Variants in KDM4C observed in about 807,000 individuals in gnomAD.
KDM4C encodes lysine demethylase 4C, also known as lysine-specific demethylase 4C.
A neutral mutation model predicts 129.3 loss-of-function variants in KDM4C; 81 were observed. The ratio of observed to expected loss-of-function variants is 0.63; its 90% CI spans 0.52 to 0.75. The LOEUF is 0.75. Ranked by LOEUF, KDM4C falls within the 30% of genes least tolerant of loss-of-function variation. The pLI is 0.00. For synonymous variants in KDM4C, 573 were observed against 456.1 expected (o/e 1.26, Z -3.26); for missense variants, 1,457 against 1,304.0 (o/e 1.12, Z -1.81).
intron 5 of KDM4C, among the ~76,000 whole-genome samples, chr9:6,861,778 C>CT (rs747405487): frequency 4.2e-4 from 62 of 147,904 alleles, no homozygotes; most frequent in East Asian, 1.2e-3. Flanking sequence ...TTCTTTCTTT[C>CT]TTTTTTTTTT....
At chr9:7,112,169 T>G (rs1838396405) in intron 18 of KDM4C, among the ~76,000 whole-genome samples, 1 of 152,206 alleles carries the variant, frequency 6.6e-6, no homozygotes. Context: ...GTTTCTCATT[T>G]AGGCATTACT....
At chr9:6,772,266 C>T (rs1173487640) in intron 1 of KDM4C, among the ~76,000 whole-genome samples, 2 of 152,062 alleles carry the variant, frequency 1.3e-5, no homozygotes, top group Non-Finnish European at 2.9e-5. Flanking sequence ...TCTGCTGCCT[C>T]AGCCTCCTGA....
intron 4 of KDM4C, among the ~76,000 whole-genome samples, chr9:6,821,026 C>T (rs754593606): frequency 2.0e-5 from 3 of 152,104 alleles, no homozygotes; most frequent in African/African-American, 7.2e-5. Context: ...TAGCTCCATC[C>T]ATGTCCCTGC....
intron 19 of KDM4C, among the ~76,000 whole-genome samples, chr9:7,133,895 C>A (rs1178862816): frequency 6.6e-6 from 1 of 152,116 alleles, no homozygotes; most frequent in Non-Finnish European, 1.5e-5. Context: ...ATTGTTGGAT[C>A]CCTCTTGCCT....
rs139364655 is a variant in KDM4C, at chr9:6,842,568, C to G, written c.436-6939C>G. Reference sequence around the variant, plus strand: ...TGACCAGGGTAGTCTAGAACTGACCCCAGGTGATCCGTCTGCCTTGGGCTC... The same window carrying G: ...TGACCAGGGTAGTCTAGAACTGACCGCAGGTGATCCGTCTGCCTTGGGCTC... On this transcript the variant is annotated intron_variant, in intron 4 of 21. Transcript: ENST00000381309. Among the ~76,000 whole-genome samples the G allele has an allele frequency of 1.4e-3, 214 of 151,934 alleles. 3 individuals carry two copies. Among genetic ancestry groups the G allele is most frequent in the African/African-American group, 4.4e-3 (184 of 41,430 alleles).
At chr9:7,150,212 CCTTTCACCT>C (rs1554762503) in intron 19 of KDM4C, among the ~76,000 whole-genome samples, 1 of 152,208 alleles carries the variant, frequency 6.6e-6, no homozygotes, top group Non-Finnish European at 1.5e-5. Context: ...CTGGCTTCTC[CCTTTCACCT>C]CTTTCTTTAA....
intron 12 of KDM4C, among the ~76,000 whole-genome samples, chr9:6,995,062 T>C (rs1159639059): frequency 1.3e-5 from 2 of 152,074 alleles, no homozygotes; most frequent in Admixed American, 6.6e-5. Context: ...AGTGGTTTTT[T>C]TTTTCCCCAC....
At chr9:7,016,214 A>G (rs1004023415) in intron 15 of KDM4C, among the ~76,000 whole-genome samples, 3 of 150,846 alleles carry the variant, frequency 2.0e-5, no homozygotes, top group South Asian at 2.1e-4. Flanking sequence ...TGCAAGCTCC[A>G]CCTTCCAGGT....
At chr9:7,109,665 T>G (rs1838096420) in intron 18 of KDM4C, among the ~76,000 whole-genome samples, 1 of 152,182 alleles carries the variant, frequency 6.6e-6, no homozygotes. Flanking sequence ...CTTGACTCTT[T>G]TAAACATCAT....
chr9:6,806,890 CT>C (rs1830078758), intron 3 of KDM4C, among the ~76,000 whole-genome samples: 1 of 108,708 alleles, frequency 9.2e-6, no homozygotes, highest in African/African-American at 3.8e-5. Context: ...CTCCCTCTCC[CT>C]CTCCCTCTCC....
At chr9:7,012,574 A>C (rs7847658) in intron 13 of KDM4C, among the ~76,000 whole-genome samples, 11,084 of 152,224 alleles carry the variant, frequency 0.073, 538 homozygotes, top group African/African-American at 0.14. Flanking sequence ...TGGAACATGC[A>C]AAAGACACAG....
At chr9:6,799,543 AGGGAGACCGTGGAAAG>A (rs141140237) in intron 2 of KDM4C, among the ~76,000 whole-genome samples, 3,242 of 133,806 alleles carry the variant, frequency 0.024, 121 homozygotes, top group African/African-American at 0.076. Flanking sequence ...TTGGCATGAG[AGGGAGACCGTGGAAAG>A]GGGAGACAGG....
At chr9:7,027,719 T>A (rs1433681549) in intron 15 of KDM4C, among the ~76,000 whole-genome samples, 1 of 152,172 alleles carries the variant, frequency 6.6e-6, no homozygotes, top group Non-Finnish European at 1.5e-5. Context: ...TGAGGTACCA[T>A]CCAGGAGCTA....
intron 19 of KDM4C, among the ~76,000 whole-genome samples, chr9:7,142,346 T>C (rs1052590336): frequency 3.9e-5 from 6 of 152,216 alleles, no homozygotes; most frequent in African/African-American, 1.4e-4. Flanking sequence ...CTGGAACTCC[T>C]AAAGCAATCC....
chr9:6,990,341 GA>G, intron 11 of KDM4C, 74 bp from the exon 12 acceptor site: 1 of 956,792 alleles, frequency 1.0e-6, no homozygotes. Flanking sequence ...AAATAATTGT[GA>G]ACTGTAGGGT....
chr9:7,064,880 T>C (rs1434164763), intron 17 of KDM4C, among the ~76,000 whole-genome samples: 2 of 152,190 alleles, frequency 1.3e-5, no homozygotes, highest in African/African-American at 4.8e-5. Context: ...GTGATGATAA[T>C]GTATCTATCA....
intron 15 of KDM4C, among the ~76,000 whole-genome samples, chr9:7,044,739 A>G (rs1031439815): frequency 1.3e-5 from 2 of 152,016 alleles, no homozygotes; most frequent in Admixed American, 6.6e-5. Context: ...GGTGTGAGCC[A>G]TTGGCCTATA....
At chr9:7,153,329 G>A (rs1270039940) in intron 19 of KDM4C, among the ~76,000 whole-genome samples, 1 of 152,216 alleles carries the variant, frequency 6.6e-6, no homozygotes, top group East Asian at 1.9e-4. Flanking sequence ...CCAAAGTGGT[G>A]TATCCCCATC....
At chr9:6,723,305 G>A (rs1375336375) in intron 1 of KDM4C, among the ~76,000 whole-genome samples, 1 of 152,066 alleles carries the variant, frequency 6.6e-6, no homozygotes, top group Non-Finnish European at 1.5e-5. Context: ...AACCTGGGAG[G>A]CGGAGGTTGC....
Sources: gnomAD v4.1 joint callset for allele counts (sites outside exome capture counted in the v4.1 genomes callset) on GRCh38, gnomAD v4.1.1 for gene constraint, MANE v1.5 for transcripts, NCBI Gene and HGNC (gene_info 2026-07-23, HGNC 2026-07-21) for gene names.